Variants in DEFB121 observed in about 807,000 individuals in gnomAD.
The protein encoded by DEFB121 is defensin beta 121, also known as beta-defensin 121.
DEFB121 carries 5 observed loss-of-function variants against 2.5 expected under a neutral mutation model. The ratio of observed to expected loss-of-function variants is 1.96; its 90% CI spans 1.03 to 4.13. The LOEUF is 4.13. Among genes scored for constraint, DEFB121 ranks in the 30% most tolerant of loss-of-function variants. The pLI is 0.00. For missense variants in DEFB121, 87 were observed against 85.0 expected, an observed-to-expected ratio of 1.02 and a Z score of -0.09; for synonymous variants, 39 against 32.6, an observed-to-expected ratio of 1.20 and a Z score of -0.67.
Position 31,404,938 on chromosome 20 carries a change from C to T in DEFB121, c.206G>A (p.Ser69Asn), listed in dbSNP as rs146336849. The T allele has an allele frequency of 3.8e-5, 62 of 1,613,824 alleles. No homozygotes were observed. The highest frequency in any genetic ancestry group is 1.6e-4 in the Middle Eastern group (1 of 6,080). ...TCAGACTGCAGAAGTTGATTCCAGG[C>T]TTGTATTTGTGTCTGTTAATTTTGG... ...VKPKLTDTNT[S>N]LESTSAV The change falls in exon 2 of 2, where the codon AGC (serine) becomes AAC (asparagine). Residue 69 changes from serine (S) to asparagine (N), a missense_variant. Ser to Asn is a conservative substitution (Grantham distance 46, BLOSUM62 1). Transcript: ENST00000376314.
chr20:31,407,148 G>C (rs555812564), upstream of DEFB121, among the ~76,000 whole-genome samples: 1 of 152,152 alleles, frequency 6.6e-6, no homozygotes, highest in Non-Finnish European at 1.5e-5. Flanking sequence ...TATTCAGGAG[G>C]CTGAAGCAGG....
chr20:31,410,173 G>A (rs1285721346), upstream of DEFB121, among the ~76,000 whole-genome samples: 1 of 152,182 alleles, frequency 6.6e-6, no homozygotes, highest in Non-Finnish European at 1.5e-5. Flanking sequence ...GGAATACTAT[G>A]CAGCCATCAA....
upstream of DEFB121, among the ~76,000 whole-genome samples, chr20:31,417,019 G>A (rs574067475): frequency 1.3e-5 from 2 of 152,216 alleles, no homozygotes; most frequent in African/African-American, 4.8e-5. Flanking sequence ...ATAAGGCCCA[G>A]TAGCTTGTCT....
chr20:31,411,283 C>G (rs1264900358), intron 1 of DEFB121, among the ~76,000 whole-genome samples: 1 of 152,170 alleles, frequency 6.6e-6, no homozygotes, highest in Non-Finnish European at 1.5e-5. Context: ...GCTTAAGATT[C>G]CACATCTTAA....
chr20:31,410,852 GAGAA>G (rs1201653218), upstream of DEFB121, among the ~76,000 whole-genome samples: 9 of 150,758 alleles, frequency 6.0e-5, no homozygotes, highest in South Asian at 8.4e-4. Flanking sequence ...GAGAGAGAGA[GAGAA>G]AGAGAGCAAC....
At chr20:31,407,587 CAG>C (rs1210789964), upstream of DEFB121, among the ~76,000 whole-genome samples, 1 of 152,146 alleles carries the variant, frequency 6.6e-6, no homozygotes, top group African/African-American at 2.4e-5. Flanking sequence ...CAGTGAGAAA[CAG>C]AGCTGCCCCA....
chr20:31,415,125 A>G (rs1435606932), upstream of DEFB121, among the ~76,000 whole-genome samples: 1 of 152,258 alleles, frequency 6.6e-6, no homozygotes, highest in Non-Finnish European at 1.5e-5. Flanking sequence ...TTGTACCTAG[A>G]GTCAATAATA....
rs767082775 is a variant in DEFB121 at position 31,404,908 on chromosome 20, A to C, written c.*5T>G. On this transcript the variant is annotated 3_prime_UTR_variant, in exon 2 of 2. Transcript: ENST00000376314. ...ATGTTGAGACTCAAGGTTGGAAGAG[A>C]GGTGTCAGACTGCAGAAGTTGATTC... 20 of 1,613,346 alleles carry C rather than the reference A, an allele frequency of 1.2e-5. No individual in the cohort carries two copies. The African/African-American group carries it at 2.7e-4, about 22-fold the overall frequency.
At chr20:31,410,306 C>T (rs116264967), upstream of DEFB121, among the ~76,000 whole-genome samples, 3,047 of 152,134 alleles carry the variant, frequency 0.02, 70 homozygotes, top group Middle Eastern at 0.058. Context: ...TGGAGACAAA[C>T]CTTGGGTACA....
At chr20:31,406,256 C>G, upstream of DEFB121, 1 of 1,521,584 alleles carries the variant, frequency 6.6e-7, no homozygotes, top group South Asian at 1.3e-5. Flanking sequence ...CCTTGAGGAG[C>G]ATGGCAGAGC....
chr20:31,406,104 C>T lies in DEFB121; in HGVS notation c.49G>A (p.Val17Ile). ...TGGAGATCCTGTTTACCTGGGGTGA[C>T]CTGGGCCAGGAGCAGAGTAACAGTC... The part of the protein sequence containing the change: ...LLTVTLLLAQ[V>I]TPVMKCWGKS... Residue 17 changes from valine (V) to isoleucine (I), a missense_variant, in exon 1 of 2, where the codon GTC becomes ATC. Transcript: ENST00000376314. 6.2e-7 allele frequency: 1 copy of T among 1,614,100 alleles called. No homozygotes were observed. Among genetic ancestry groups the T allele is most frequent in the East Asian group, 2.2e-5 (1 of 44,878 alleles).
At chr20:31,406,280 CCAGAACGGGAACAGT>C, upstream of DEFB121, 2 of 1,465,730 alleles carry the variant, frequency 1.4e-6, no homozygotes, top group South Asian at 2.9e-5. Flanking sequence ...GATCAGTGAA[CCAGAACGGGAACAGT>C]CATTTGAGAT....
intron 1 of DEFB121, among the ~76,000 whole-genome samples, chr20:31,412,007 G>A (rs1978678042): frequency 6.6e-6 from 1 of 152,202 alleles, no homozygotes; most frequent in South Asian, 2.1e-4. Flanking sequence ...AGTCATAAGT[G>A]ACCCTAACTG....
upstream of DEFB121, among the ~76,000 whole-genome samples, chr20:31,416,064 T>TTGTTTGTTTGTC (rs1270903113): frequency 6.6e-6 from 1 of 151,178 alleles, no homozygotes; most frequent in Non-Finnish European, 1.5e-5. Context: ...TTTTGTTTGT[T>TTGTTTGTTTGTC]TGTTTGTTTG....
chr20:31,408,963 T>C (rs1377342166), upstream of DEFB121, among the ~76,000 whole-genome samples: 1 of 151,758 alleles, frequency 6.6e-6, no homozygotes, highest in African/African-American at 2.4e-5. Context: ...GAGGCAGAGG[T>C]TGCAGTGAGC....
At chr20:31,407,909 C>T (rs1396169423), upstream of DEFB121, among the ~76,000 whole-genome samples, 1 of 152,156 alleles carries the variant, frequency 6.6e-6, no homozygotes, top group Admixed American at 6.5e-5. Context: ...CCCCGAGTAG[C>T]TAGGACTACA....
exon 1 of DEFB121, chr20:31,412,777 A>C: frequency 9.1e-6 from 8 of 882,584 alleles, no homozygotes; most frequent in Non-Finnish European, 1.1e-5. Context: ...TTCAAGTTTG[A>C]AAATTGCATC....
rs1246581795 is a variant in DEFB121 at position 31,404,849 on chromosome 20, C to A, written c.*64G>T. 8 of 1,576,436 alleles carry A rather than the reference C, an allele frequency of 5.1e-6. No homozygotes were observed. The highest frequency in any genetic ancestry group is 3.4e-4 in the Middle Eastern group (2 of 5,968). ...CTATCAGACAGAAACAGGGTGTTGC[C>A]AAGAATGATTTAATAGAACTGCAGG... is the stretch of plus-strand genomic sequence containing the variant. On this transcript the variant is annotated 3_prime_UTR_variant, in exon 2 of 2. Transcript: ENST00000376314.
At chr20:31,407,011 G>A (rs1386745467), upstream of DEFB121, among the ~76,000 whole-genome samples, 1 of 152,088 alleles carries the variant, frequency 6.6e-6, no homozygotes, top group Non-Finnish European at 1.5e-5. Flanking sequence ...AACTTGGGAG[G>A]CCGAGGCAGG....
Sources: allele counts gnomAD v4.1 joint callset (sites outside exome capture counted in the v4.1 genomes callset), GRCh38; gene constraint gnomAD v4.1.1; transcripts MANE v1.5; gene names NCBI Gene and HGNC (gene_info 2026-07-23, HGNC 2026-07-21).